The following TECR variants were observed in gnomAD, a reference collection of about 807,000 sequenced individuals.
TECR encodes the protein very-long-chain enoyl-CoA reductase.
In TECR, 19 loss-of-function variants were observed where a neutral mutation model predicts 50.6. The observed-to-expected ratio is 0.38, with a 90% CI of 0.26 to 0.55. TECR has a LOEUF of 0.55. Ranked by LOEUF, TECR falls within the 20% of genes least tolerant of loss-of-function variation. The pLI, the probability that TECR is intolerant of heterozygous loss-of-function variation, is 0.79. For synonymous variants in TECR, 168 were observed against 163.5 expected, an observed-to-expected ratio of 1.03 and a Z score of -0.21; for missense variants, 313 against 408.3, an observed-to-expected ratio of 0.77 and a Z score of 2.01.
Position 14,562,585 on chromosome 19 carries a change from G to A in TECR, c.66+10G>A, listed in dbSNP as rs754263988. 1 of 1,614,064 alleles carries A rather than the reference G, an allele frequency of 6.2e-7. No individual in the cohort carries two copies. The highest frequency in any genetic ancestry group is 8.5e-7 in the Non-Finnish European group (1 of 1,180,036). Reference sequence around the variant, plus strand: ...GTGTTTCTTGGACAAGGTAGGACTGGGGCGTGGGCTGCACTGGGCCAAGGG... The same window carrying A: ...GTGTTTCTTGGACAAGGTAGGACTGAGGCGTGGGCTGCACTGGGCCAAGGG... On this transcript the variant is annotated intron_variant, in intron 2 of 12. Transcript: ENST00000215567.
At chr19:14,544,156 G>A (rs1265271551) in intron 1 of TECR, among the ~76,000 whole-genome samples, 1 of 151,952 alleles carries the variant, frequency 6.6e-6, no homozygotes, top group Non-Finnish European at 1.5e-5. Context: ...TGGCTGTGTG[G>A]TCTTGGTCTG....
chr19:14,561,548 G>C (rs1366826078), intron 1 of TECR, among the ~76,000 whole-genome samples: 1 of 152,168 alleles, frequency 6.6e-6, no homozygotes, highest in Non-Finnish European at 1.5e-5. Context: ...CGCAGGAAGC[G>C]CCGGGCTTTA....
upstream of TECR, chr19:14,529,296 C>T (rs1048648671): frequency 5.2e-6 from 2 of 384,616 alleles, no homozygotes; most frequent in South Asian, 4.8e-5. Context: ...CGCGTCTGGC[C>T]TAACCGTCGC....
intron 1 of TECR, among the ~76,000 whole-genome samples, chr19:14,543,440 T>A (rs1286052686): frequency 0.1 from 4,857 of 48,592 alleles, 445 homozygotes; most frequent in Non-Finnish European, 0.17. Context: ...TTTTTTTTTT[T>A]TTTTTTTTTT....
At chr19:14,551,566 G>C (rs1489407395) in intron 1 of TECR, among the ~76,000 whole-genome samples, 1 of 152,138 alleles carries the variant, frequency 6.6e-6, no homozygotes, top group African/African-American at 2.4e-5. Flanking sequence ...TTGAGGACGC[G>C]CCCCTGCTTT....
rs1243542832 is a variant in TECR, at chr19:14,562,442, T to C, written c.16-83T>C. 3 of 1,528,468 alleles carry C rather than the reference T, an allele frequency of 2.0e-6. No individual in the cohort carries two copies. In the East Asian group the frequency reaches 6.8e-5, roughly 34 times the overall value. The allele number at this position is 1,528,468 out of a possible 1,614,324, so 94.7% of individuals were successfully genotyped here. On this transcript the variant is annotated intron_variant, in intron 1 of 12. Transcript: ENST00000215567. ...TTGGCCCGGGAGGCCACCCCAGGCC[T>C]CCTCCCTGGCCTCAATGGGCTCCCC...
chr19:14,562,592 G>T lies in TECR; in HGVS notation c.66+17G>T. ...TTGGACAAGGTAGGACTGGGGCGTGGGCTGCACTGGGCCAAGGGCACTGGG... is the reference window on the plus strand; with the variant it reads ...TTGGACAAGGTAGGACTGGGGCGTGTGCTGCACTGGGCCAAGGGCACTGGG... On this transcript the variant is annotated intron_variant, in intron 2 of 12. Transcript: ENST00000215567. The T allele has an allele frequency of 6.2e-7, 1 of 1,614,060 alleles. No homozygotes were observed. The highest frequency in any genetic ancestry group is 1.7e-4 in the Middle Eastern group (1 of 6,020).
chr19:14,554,491 C>T (rs1170535065), intron 1 of TECR, among the ~76,000 whole-genome samples: 1 of 152,174 alleles, frequency 6.6e-6, no homozygotes, highest in African/African-American at 2.4e-5. Flanking sequence ...ATTGAACCTG[C>T]TTGTTTACAG....
chr19:14,535,506 CAAAAAAAAAAAAAAAAAAAAA>C (rs1172079027), intron 1 of TECR, among the ~76,000 whole-genome samples: 1 of 17,178 alleles, frequency 5.8e-5, no homozygotes, highest in African/African-American at 2.8e-4. Flanking sequence ...GACTCCGTCT[CAAAAAAAAAAAAAAAAAAAAA>C]AAAAAAAAAA....
At chr19:14,564,622 T>C (rs1599504841) in intron 7 of TECR, 164 bp from the exon 8 acceptor site, 1 of 344,340 alleles carries the variant, frequency 2.9e-6, no homozygotes, top group African/African-American at 4.2e-5. Context: ...CACAGAGCCC[T>C]GCCCTAGCCT....
intron 1 of TECR, among the ~76,000 whole-genome samples, chr19:14,557,938 G>A (rs1052386376): frequency 1.3e-5 from 2 of 151,520 alleles, no homozygotes; most frequent in African/African-American, 4.9e-5. Context: ...TGTATTTTTA[G>A]TAGAGATGGG....
At chr19:14,551,118 C>T (rs1014738499) in intron 1 of TECR, among the ~76,000 whole-genome samples, 35 of 151,896 alleles carry the variant, frequency 2.3e-4, no homozygotes, top group Admixed American at 1.3e-4. Context: ...GTCACCCAGG[C>T]TGGAGTGCAG....
intron 1 of TECR, among the ~76,000 whole-genome samples, chr19:14,558,151 T>TG (rs1311204414): frequency 1.6e-4 from 25 of 152,252 alleles, no homozygotes; most frequent in South Asian, 4.1e-4. Flanking sequence ...CATGAGTAGA[T>TG]GGAAGTTCAG....
rs2073964204 is a variant in TECR, at chr19:14,563,419, A to G, written c.118+162A>G. 4 of 839,464 alleles carry G rather than the reference A, an allele frequency of 4.8e-6. No homozygotes were observed. The East Asian group carries it at 8.0e-5, about 17-fold the overall frequency. The allele number at this position is 839,464 out of a possible 1,614,324, so 52.0% of individuals were successfully genotyped here. ...ACTGGGGCAGGCGCCTCCACGTGGCACTCCGCAGGAACGCCCTTGCTAGGC... is the reference window on the plus strand; with the variant it reads ...ACTGGGGCAGGCGCCTCCACGTGGCGCTCCGCAGGAACGCCCTTGCTAGGC... On this transcript the variant is annotated intron_variant, in intron 3 of 12. Transcript: ENST00000215567. The surrounding 1 kb of genome is among the most constrained non-coding windows in gnomAD (Gnocchi z 5.3).
chr19:14,549,361 C>CGT (rs2073415273), intron 1 of TECR, among the ~76,000 whole-genome samples: 1 of 151,868 alleles, frequency 6.6e-6, no homozygotes, highest in East Asian at 1.9e-4. Flanking sequence ...TACAGGCATG[C>CGT]GCCACCATGC....
intron 1 of TECR, among the ~76,000 whole-genome samples, chr19:14,535,487 A>G (rs2072830598): frequency 1.8e-5 from 2 of 111,630 alleles, no homozygotes; most frequent in African/African-American, 7.1e-5. Flanking sequence ...AGCCTGGGCG[A>G]CAGAGCGAGA....
Position 14,564,209 on chromosome 19 carries a change from C to G in TECR, c.411C>G (p.His137Gln), listed in dbSNP as rs1379053363. The G allele has an allele frequency of 6.2e-7, 1 of 1,608,130 alleles. No homozygotes were observed. Among genetic ancestry groups the G allele is most frequent in the South Asian group, 1.1e-5 (1 of 91,092 alleles). The change falls in exon 7 of 13, where the codon CAC becomes CAG. Residue 137 changes from histidine (H) to glutamine (Q), a missense_variant. Physicochemically the swap from His to Gln is conservative, Grantham distance 24. Coordinates refer to ENST00000215567, the MANE Select transcript of TECR (RefSeq NM_138501.6). ...VHLACICHSF[H>Q]YIKRLLETLF... ...TCGCCTGCATCTGTCACTCATTCCA[C>G]TACATCAAGCGCCTGCTGGAGACGC...
At chr19:14,535,402 G>A (rs1347487010) in intron 1 of TECR, among the ~76,000 whole-genome samples, 13 of 147,372 alleles carry the variant, frequency 8.8e-5, no homozygotes, top group Non-Finnish European at 1.6e-4. Context: ...CAGCTACTTG[G>A]GAGGCTGAGG....
chr19:14,547,933 C>G (rs1361912204), intron 1 of TECR, among the ~76,000 whole-genome samples: 1 of 151,432 alleles, frequency 6.6e-6, no homozygotes, highest in Non-Finnish European at 1.5e-5. Context: ...GCCTTGGCCT[C>G]CCAACCATGT....
Sources: gnomAD v4.1 joint callset for allele counts (sites outside exome capture counted in the v4.1 genomes callset) on GRCh38, gnomAD v4.1.1 for gene constraint, Gnocchi (gnomAD v3.1) non-coding constraint, MANE v1.5 for transcripts, NCBI Gene and HGNC (gene_info 2026-07-23, HGNC 2026-07-21) for gene names.